Variants in ATP2B4 observed in about 807,000 individuals in gnomAD.
ATP2B4 encodes the protein ATPase plasma membrane Ca2+ transporting 4, also known as plasma membrane calcium-transporting ATPase 4.
A neutral mutation model predicts 110.3 loss-of-function variants in ATP2B4; 39 were observed. That is an observed-to-expected ratio of 0.35 (90% CI 0.27 to 0.46). The LOEUF is 0.46. Among genes scored for constraint, ATP2B4 ranks in the 20% least tolerant of loss-of-function variants. The pLI, the probability that ATP2B4 is intolerant of heterozygous loss-of-function variation, is 1.00. For synonymous variants in ATP2B4, 538 were observed against 571.7 expected (o/e 0.94, Z 0.84); for missense variants, 1,135 against 1,530.9 (o/e 0.74, Z 4.32).
At chr1:203,730,091 G>A (rs1666654212) in intron 20 of ATP2B4, among the ~76,000 whole-genome samples, 1 of 152,048 alleles carries the variant, frequency 6.6e-6, no homozygotes, top group Non-Finnish European at 1.5e-5. Context: ...ATGCTGAGGA[G>A]AAACAATAAA....
At chr1:203,681,437 C>T (rs890476046) in intron 1 of ATP2B4, among the ~76,000 whole-genome samples, 1 of 152,134 alleles carries the variant, frequency 6.6e-6, no homozygotes, top group Non-Finnish European at 1.5e-5. Context: ...GAGAGGTTGG[C>T]CAGAGCTCCT....
chr1:203,652,491 A>G (rs1029755796), intron 1 of ATP2B4, among the ~76,000 whole-genome samples: 5 of 152,226 alleles, frequency 3.3e-5, no homozygotes, highest in African/African-American at 1.2e-4. Context: ...AAGAAAAATT[A>G]TAAGCATACC....
intron 1 of ATP2B4, among the ~76,000 whole-genome samples, chr1:203,659,654 A>T (rs1304514615): frequency 6.6e-6 from 1 of 152,126 alleles, no homozygotes; most frequent in African/African-American, 2.4e-5. Flanking sequence ...ACAGAGCAAG[A>T]CCCTGTCTCA....
At chr1:203,665,413 G>C (rs534785402) in intron 1 of ATP2B4, among the ~76,000 whole-genome samples, 10 of 152,342 alleles carry the variant, frequency 6.6e-5, no homozygotes, top group Non-Finnish European at 1.2e-4. Flanking sequence ...GCACAGGCTA[G>C]CAGGCGTGGG....
intron 1 of ATP2B4, among the ~76,000 whole-genome samples, chr1:203,671,840 C>T (rs904494335): frequency 1.3e-5 from 2 of 152,234 alleles, no homozygotes; most frequent in Non-Finnish European, 2.9e-5. Flanking sequence ...GGAGGAAACA[C>T]GTGTCTCCTC....
At chr1:203,657,720 T>C in intron 1 of ATP2B4, 1 of 747,186 alleles carries the variant, frequency 1.3e-6, no homozygotes, top group South Asian at 1.4e-5. Context: ...ACGGTATCCA[T>C]AGTGTTTATG....
intron 20 of ATP2B4, among the ~76,000 whole-genome samples, chr1:203,731,874 AGG>A: frequency 8.3e-6 from 1 of 120,064 alleles, no homozygotes; most frequent in Non-Finnish European, 1.8e-5. Flanking sequence ...AAAAAAAGGA[AGG>A]AGGGAGGAAG....
chr1:203,650,216 A>C (rs2102316747), intron 1 of ATP2B4, among the ~76,000 whole-genome samples: 1 of 152,292 alleles, frequency 6.6e-6, no homozygotes, highest in African/African-American at 2.4e-5. Context: ...TTGGCAGCTC[A>C]AGGACGGGCG....
chr1:203,651,550 ATATG>A (rs1558016078), intron 1 of ATP2B4, among the ~76,000 whole-genome samples: 11 of 152,158 alleles, frequency 7.2e-5, no homozygotes. Flanking sequence ...CTTGATAACC[ATATG>A]TATGCCTAAA....
intron 1 of ATP2B4, among the ~76,000 whole-genome samples, chr1:203,636,333 C>T (rs1445731022): frequency 6.6e-6 from 1 of 152,194 alleles, no homozygotes; most frequent in African/African-American, 2.4e-5. Context: ...TACCCACCCC[C>T]GCCTCCCCAT....
intron 1 of ATP2B4, among the ~76,000 whole-genome samples, chr1:203,676,089 C>T (rs1348452534): frequency 6.6e-6 from 1 of 152,104 alleles, no homozygotes; most frequent in African/African-American, 2.4e-5. Flanking sequence ...CTTGGTGTGC[C>T]CGCCCTCACC....
chr1:203,689,384 G>C (rs941164557), intron 2 of ATP2B4, among the ~76,000 whole-genome samples: 2 of 152,240 alleles, frequency 1.3e-5, no homozygotes, highest in African/African-American at 2.4e-5. Flanking sequence ...AGGAAGAATG[G>C]TGTTTTCTGA....
rs771136879 is a variant in ATP2B4, at chr1:203,733,481, G to C, written c.3309+5910G>C. 6 of 1,344,700 alleles carry C rather than the reference G, an allele frequency of 4.5e-6. No homozygotes were observed. In the South Asian group the frequency reaches 8.2e-5, roughly 18 times the overall value. The allele number at this position is 1,344,700 out of a possible 1,614,324, so 83.3% of individuals were successfully genotyped here. On this transcript the variant is annotated intron_variant, in intron 20 of 20. Transcript: ENST00000357681. ...GTGGCATCCACTTTAACCAACCATGGTTATCTTTTCCTTTTGGTTTTTCCC... is the reference window on the plus strand; with the variant it reads ...GTGGCATCCACTTTAACCAACCATGCTTATCTTTTCCTTTTGGTTTTTCCC...
chr1:203,669,218 C>T (rs1247649803), intron 1 of ATP2B4, among the ~76,000 whole-genome samples: 1 of 152,178 alleles, frequency 6.6e-6, no homozygotes, highest in Non-Finnish European at 1.5e-5. Flanking sequence ...TGGATTCCTT[C>T]AGTGATGGCT....
chr1:203,673,236 C>T (rs535684931), intron 1 of ATP2B4, among the ~76,000 whole-genome samples: 1 of 152,326 alleles, frequency 6.6e-6, no homozygotes, highest in East Asian at 1.9e-4. Context: ...CGTTCTTGTG[C>T]ACCAGAAACT....
At position 203,700,879 on chromosome 1, in the gene ATP2B4, T is replaced by C. The variant is rs764981430; in HGVS notation, c.857T>C (p.Leu286Pro). The C allele has an allele frequency of 1.2e-6, 2 of 1,613,754 alleles. No individual in the cohort carries two copies. Among genetic ancestry groups the C allele is most frequent in the Non-Finnish European group, 1.7e-6 (2 of 1,179,774 alleles). Residue 286 changes from leucine (L) to proline (P), a missense_variant, in exon 6 of 21, where the codon CTC becomes CCC. Transcript: ENST00000357681. ...TCTCAGACTGGAATCATCCTTACTCTCTTGGGGGTCAATGAGGATGACGAA... is the reference window on the plus strand; with the variant it reads ...TCTCAGACTGGAATCATCCTTACTCCCTTGGGGGTCAATGAGGATGACGAA... ...VNSQTGIILT[L>P]LGVNEDDEGE...
At chr1:203,633,147 C>CT (rs1320351621) in intron 1 of ATP2B4, among the ~76,000 whole-genome samples, 2 of 152,164 alleles carry the variant, frequency 1.3e-5, no homozygotes, top group Admixed American at 6.6e-5. Flanking sequence ...CAGGAGCTGG[C>CT]TTAAAGGGTC....
intron 1 of ATP2B4, among the ~76,000 whole-genome samples, chr1:203,638,539 C>G (rs1000205147): frequency 2.6e-5 from 4 of 152,140 alleles, no homozygotes; most frequent in Non-Finnish European, 4.4e-5. Context: ...GCTCATTTTA[C>G]TGAGACAGAG....
intron 2 of ATP2B4, among the ~76,000 whole-genome samples, chr1:203,685,692 A>G (rs1665158410): frequency 6.6e-6 from 1 of 152,208 alleles, no homozygotes; most frequent in Non-Finnish European, 1.5e-5. Flanking sequence ...TTCAAATGAT[A>G]GCTCCACCAT....
Sources: allele counts gnomAD v4.1 joint callset (sites outside exome capture counted in the v4.1 genomes callset), GRCh38; gene constraint gnomAD v4.1.1; transcripts MANE v1.5; gene names NCBI Gene and HGNC (gene_info 2026-07-23, HGNC 2026-07-21).